RPS6KA2: variants seen among roughly 807,000 people sequenced by gnomAD.
The protein encoded by RPS6KA2 is ribosomal protein S6 kinase A2, also known as ribosomal protein S6 kinase alpha-2.
In RPS6KA2, 42 loss-of-function variants were observed where a neutral mutation model predicts 91.8. The observed-to-expected ratio is 0.46, with a 90% CI of 0.36 to 0.59. The LOEUF is 0.59. RPS6KA2 is among the 20% of genes least tolerant of loss of function. The pLI is 0.00. For synonymous variants in RPS6KA2, 414 were observed against 393.6 expected (o/e 1.05, Z -0.61); for missense variants, 798 against 978.5 (o/e 0.82, Z 2.46).
At chr6:166,826,005 A>AC (rs1440969864) in intron 2 of RPS6KA2, among the ~76,000 whole-genome samples, 1 of 152,210 alleles carries the variant, frequency 6.6e-6, no homozygotes, top group Non-Finnish European at 1.5e-5. Context: ...GAAAGAATGA[A>AC]CCAAGGCAAG....
At position 166,437,990 on chromosome 6, in the gene RPS6KA2, G is replaced by A. The variant is rs900808566; in HGVS notation, c.1333-5500C>T. Reference sequence around the variant, plus strand: ...GATGGCTTTGAGGCAGTAACTACGCGGGCAGTGGCATGAGCTCACAGGCTT... The same window carrying A: ...GATGGCTTTGAGGCAGTAACTACGCAGGCAGTGGCATGAGCTCACAGGCTT... On this transcript the variant is annotated intron_variant, in intron 14 of 20. Transcript: ENST00000265678. This position sits in a 1 kb window ranked among gnomAD's most constrained non-coding sequence, Gnocchi z 4.3. Among the ~76,000 whole-genome samples the A allele has an allele frequency of 1.8e-4, 28 of 152,276 alleles. No homozygotes were observed. Among genetic ancestry groups the A allele is most frequent in the East Asian group, 1.2e-3 (6 of 5,188 alleles).
In RPS6KA2 at chr6:166,726,207, G is replaced by C. The variant is rs1562403301; in HGVS notation, c.123+131993C>G. Among the ~76,000 whole-genome samples, 1 of 151,652 alleles carries C rather than the reference G, an allele frequency of 6.6e-6. No homozygotes were observed. Among genetic ancestry groups the C allele is most frequent in the African/African-American group, 2.4e-5 (1 of 41,226 alleles). On this transcript the variant is annotated intron_variant, in intron 2 of 21. Coordinates refer to the RPS6KA2 transcript ENST00000503859. The surrounding 1 kb of genome is among the most constrained non-coding windows in gnomAD (Gnocchi z 4.4). ...TCTACTATTTATAAGCAAAGTCCTA[G>C]CCACGGCCATCTGATGTGGTAGAAG...
chr6:166,587,061 C>G (rs1785198756), intron 1 of RPS6KA2, among the ~76,000 whole-genome samples: 1 of 152,222 alleles, frequency 6.6e-6, no homozygotes, highest in Non-Finnish European at 1.5e-5. Context: ...GCTGGTGGAG[C>G]TACAAAGAAG....
chr6:166,768,607 A>T (rs577184150), intron 2 of RPS6KA2, among the ~76,000 whole-genome samples: 2 of 152,208 alleles, frequency 1.3e-5, no homozygotes, highest in South Asian at 2.1e-4. Context: ...GTACAGAGAG[A>T]GGTGAGTAGG....
rs6910826 is a variant in RPS6KA2, at chr6:166,737,442, G to T, written c.123+120758C>A. On this transcript the variant is annotated intron_variant, in intron 2 of 21. Coordinates refer to the RPS6KA2 transcript ENST00000503859. The surrounding 1 kb of genome is among the most constrained non-coding windows in gnomAD (Gnocchi z 4.3). Reference sequence around the variant, plus strand: ...ATAGCCAGACACCTCGAGAAATGACGCACGCCTTACTCATTTATAATCAGC... The same window carrying T: ...ATAGCCAGACACCTCGAGAAATGACTCACGCCTTACTCATTTATAATCAGC... Among the ~76,000 whole-genome samples, 37,880 of 151,914 alleles carry T rather than the reference G, an allele frequency of 0.25. 6,417 individuals carry two copies. Among genetic ancestry groups the T allele is most frequent in the African/African-American group, 0.48 (20,039 of 41,376 alleles).
At chr6:166,814,244 C>T (rs1166703387) in intron 2 of RPS6KA2, among the ~76,000 whole-genome samples, 3 of 152,058 alleles carry the variant, frequency 2.0e-5, no homozygotes, top group Non-Finnish European at 4.4e-5. Context: ...CTATATTAAC[C>T]AGTAAATAAC....
intron 2 of RPS6KA2, among the ~76,000 whole-genome samples, chr6:166,831,967 T>C (rs986046033): frequency 4.6e-5 from 7 of 151,838 alleles, no homozygotes; most frequent in Non-Finnish European, 1.0e-4. Context: ...CATAGATACA[T>C]ACGTAGATAA....
intron 2 of RPS6KA2, among the ~76,000 whole-genome samples, chr6:166,704,669 T>C (rs1177609284): frequency 6.6e-6 from 1 of 152,170 alleles, no homozygotes; most frequent in Non-Finnish European, 1.5e-5. Context: ...ATTGCCTGGT[T>C]CTCCTGGATC....
At chr6:166,654,347 C>T (rs1445481167) in intron 2 of RPS6KA2, among the ~76,000 whole-genome samples, 13 of 152,148 alleles carry the variant, frequency 8.5e-5, no homozygotes, top group Admixed American at 7.9e-4. Flanking sequence ...CAAGCACCCT[C>T]GAATAGCTGC....
At chr6:166,628,909 C>T (rs1786992678), upstream of RPS6KA2, among the ~76,000 whole-genome samples, 3 of 152,162 alleles carry the variant, frequency 2.0e-5, no homozygotes, top group South Asian at 6.2e-4. Flanking sequence ...AGTGCAGGAC[C>T]CCACAAGGAC....
intron 1 of RPS6KA2, among the ~76,000 whole-genome samples, chr6:166,609,766 C>G (rs1239939151): frequency 6.6e-6 from 1 of 152,154 alleles, no homozygotes; most frequent in Non-Finnish European, 1.5e-5. Context: ...TCCTAAAGTG[C>G]TGAGATTACA....
intron 1 of RPS6KA2, among the ~76,000 whole-genome samples, chr6:166,607,730 T>A (rs1786005423): frequency 1.3e-5 from 2 of 152,180 alleles, no homozygotes; most frequent in African/African-American, 2.4e-5. Context: ...ACATTTTAAA[T>A]GGGTGAATTG....
At chr6:166,735,563 T>C (rs879462261) in intron 2 of RPS6KA2, among the ~76,000 whole-genome samples, 3 of 152,206 alleles carry the variant, frequency 2.0e-5, no homozygotes, top group Non-Finnish European at 4.4e-5. Flanking sequence ...AAGCTTGTTT[T>C]CCCGCAACTA....
At chr6:166,420,097 T>C (rs1199263970) in intron 17 of RPS6KA2, 139 bp from the exon 18 acceptor site, 16 of 742,030 alleles carry the variant, frequency 2.2e-5, no homozygotes, top group Non-Finnish European at 3.6e-5. Context: ...GTGACCACTG[T>C]TTCTTAAGGC....
At chr6:166,745,283 C>G (rs898060097) in intron 2 of RPS6KA2, among the ~76,000 whole-genome samples, 1 of 151,880 alleles carries the variant, frequency 6.6e-6, no homozygotes, top group Non-Finnish European at 1.5e-5. Context: ...TCCTGAGTAG[C>G]TGGGATTTCA....
chr6:166,769,900 G>A (rs61098845), intron 2 of RPS6KA2, among the ~76,000 whole-genome samples: 13,337 of 152,272 alleles, frequency 0.088, 1,560 homozygotes, highest in African/African-American at 0.26. Context: ...CCCTGTGGCA[G>A]AGCTCATGCT....
chr6:166,636,895 A>G (rs1249930632), intron 2 of RPS6KA2, among the ~76,000 whole-genome samples: 2 of 152,234 alleles, frequency 1.3e-5, no homozygotes, highest in Non-Finnish European at 2.9e-5. Flanking sequence ...ACAAATAGCT[A>G]TAGGCCAATT....
Position 166,508,159 on chromosome 6 carries a change from A to G in RPS6KA2, c.459+44T>C, listed in dbSNP as rs1782325090. ...CCCCTCCTCCCCTCGAGTCCCAGAC[A>G]GAAGCTCCTGCCCGCCCTCCTGTGT... On this transcript the variant is annotated intron_variant, in intron 5 of 20. Transcript: ENST00000265678. The surrounding 1 kb of genome is among the most constrained non-coding windows in gnomAD (Gnocchi z 4.3). The G allele has an allele frequency of 4.5e-6, 6 of 1,338,516 alleles. No individual in the cohort carries two copies. Among genetic ancestry groups the G allele is most frequent in the Non-Finnish European group, 6.4e-6 (6 of 933,862 alleles). 82.9% of individuals were successfully genotyped at this position (1,338,516 alleles called of 1,614,324 possible).
chr6:166,851,747 C>T (rs528071547), intron 2 of RPS6KA2, among the ~76,000 whole-genome samples: 1 of 152,112 alleles, frequency 6.6e-6, no homozygotes, highest in Non-Finnish European at 1.5e-5. Flanking sequence ...GACTTTGTTA[C>T]AGAAGCAGAA....
Sources: allele counts gnomAD v4.1 joint callset (sites outside exome capture counted in the v4.1 genomes callset), GRCh38; gene constraint gnomAD v4.1.1; non-coding constraint Gnocchi (gnomAD v3.1); transcripts MANE v1.5; gene names NCBI Gene and HGNC (gene_info 2026-07-23, HGNC 2026-07-21).